RABGAP1: variants seen among roughly 807,000 people sequenced by gnomAD.
The protein encoded by RABGAP1 is RAB GTPase activating protein 1.
Under a neutral mutation model 137.6 loss-of-function variants are expected in RABGAP1, and 23 were observed. The ratio of observed to expected loss-of-function variants is 0.17; its 90% CI spans 0.12 to 0.24. The LOEUF is 0.24. RABGAP1 is among the 10% of genes least tolerant of loss of function. The probability of loss-of-function intolerance (pLI) is 1.00; values close to 1 mark genes in which losing one functional copy is unlikely to be tolerated. For missense variants in RABGAP1, 906 were observed against 1,275.8 expected (o/e 0.71, Z 4.42); for synonymous variants, 451 against 450.7 (o/e 1.00, Z -0.01).
chr9:122,931,824 T>G, the RABGAP1 span, among the ~76,000 whole-genome samples: 1 of 152,230 alleles, frequency 6.6e-6, no homozygotes, highest in Non-Finnish European at 1.5e-5. Flanking sequence ...TAGCTGGGCC[T>G]AGACGGTCCG....
At chr9:122,949,916 GAGCAAGC>G (rs1834141857) in intron 1 of RABGAP1, among the ~76,000 whole-genome samples, 1 of 152,130 alleles carries the variant, frequency 6.6e-6, no homozygotes, top group Non-Finnish European at 1.5e-5. Context: ...ATTCCCAGCT[GAGCAAGC>G]AGCATATGAA....
chr9:123,058,072 G>GAGGGGGAA (rs1169359575), intron 13 of RABGAP1, among the ~76,000 whole-genome samples: 1 of 126,054 alleles, frequency 7.9e-6, no homozygotes, highest in Non-Finnish European at 1.8e-5. Context: ...GAGAGGGGGA[G>GAGGGGGAA]GAGGGAGAGG....
chr9:122,986,139 A>G, intron 3 of RABGAP1, 76 bp from the exon 4 acceptor site: 1 of 1,366,194 alleles, frequency 7.3e-7, no homozygotes, highest in Non-Finnish European at 1.0e-6. Flanking sequence ...TGTTACTTGC[A>G]GATTTTTACT....
At chr9:123,047,198 C>T (rs1446220815) in intron 13 of RABGAP1, among the ~76,000 whole-genome samples, 2 of 152,170 alleles carry the variant, frequency 1.3e-5, no homozygotes, top group African/African-American at 4.8e-5. Flanking sequence ...GATTTTCTTT[C>T]AGTACTAATC....
At chr9:123,077,927 C>T (rs1374594987) in intron 19 of RABGAP1, among the ~76,000 whole-genome samples, 1 of 152,006 alleles carries the variant, frequency 6.6e-6, no homozygotes, top group Non-Finnish European at 1.5e-5. Flanking sequence ...AAATATACCC[C>T]AAGAAATGTT....
the RABGAP1 span, among the ~76,000 whole-genome samples, chr9:122,934,427 C>T: frequency 6.6e-6 from 1 of 152,132 alleles, no homozygotes; most frequent in Non-Finnish European, 1.5e-5. Flanking sequence ...TCAAGTGATT[C>T]TCTTGTAGAC....
chr9:122,986,848 C>T (rs761330615), intron 4 of RABGAP1, among the ~76,000 whole-genome samples: 1 of 152,084 alleles, frequency 6.6e-6, no homozygotes, highest in African/African-American at 2.4e-5. Flanking sequence ...AGAAAACTGG[C>T]TAGGTGCAGT....
intron 13 of RABGAP1, chr9:123,035,444 C>T (rs1588307992): frequency 6.2e-7 from 1 of 1,614,164 alleles, no homozygotes; most frequent in Non-Finnish European, 8.5e-7. Context: ...ACCTGGCTTG[C>T]TATTAGTAAC....
rs572070235 is a variant in RABGAP1, at chr9:122,984,727, T to C, written c.385+8T>C. 6.2e-7 allele frequency: 1 copy of C among 1,608,274 alleles called. No individual in the cohort carries two copies. The highest frequency in any genetic ancestry group is 2.2e-5 in the East Asian group (1 of 44,834). ...TGAAACCTGGACAAGGAGGTTAGGA[T>C]TGCTGCATTGCTTGCGTAACTGAAG... On this transcript the variant is annotated splice_region_variant and intron_variant, in intron 3 of 25. Coordinates refer to ENST00000373647, the MANE Select transcript of RABGAP1 (RefSeq NM_012197.4).
At chr9:122,942,554 C>T (rs113657594) in intron 1 of RABGAP1, among the ~76,000 whole-genome samples, 5 of 150,172 alleles carry the variant, frequency 3.3e-5, no homozygotes, top group African/African-American at 9.8e-5. Context: ...CCTGTAGTCC[C>T]AGCTAATCGG....
intron 1 of RABGAP1, among the ~76,000 whole-genome samples, chr9:122,942,411 G>A (rs1401943409): frequency 1.3e-5 from 2 of 152,116 alleles, no homozygotes; most frequent in African/African-American, 2.4e-5. Flanking sequence ...GTGCGTTCAC[G>A]CCTGTGATCC....
intron 12 of RABGAP1, among the ~76,000 whole-genome samples, chr9:123,016,776 T>G (rs1290791262): frequency 6.6e-6 from 1 of 152,216 alleles, no homozygotes; most frequent in Non-Finnish European, 1.5e-5. Flanking sequence ...TCAGACATTT[T>G]AACTGTTGAA....
At chr9:122,973,419 G>A (rs1341425098) in intron 2 of RABGAP1, among the ~76,000 whole-genome samples, 1 of 151,940 alleles carries the variant, frequency 6.6e-6, no homozygotes, top group South Asian at 2.1e-4. Flanking sequence ...TGTATTTTTA[G>A]TAGAGATGGG....
intron 2 of RABGAP1, among the ~76,000 whole-genome samples, chr9:122,970,303 G>A (rs1588188978): frequency 6.6e-6 from 1 of 152,124 alleles, no homozygotes; most frequent in African/African-American, 2.4e-5. Flanking sequence ...GTGTGATAGT[G>A]TGTACCTGTA....
chr9:122,939,010 A>G (rs987228023), upstream of RABGAP1: 1 of 152,224 alleles, frequency 6.6e-6, no homozygotes, highest in Non-Finnish European at 1.5e-5. Context: ...ATGGTCCTGA[A>G]TTGGATAATT....
At chr9:123,004,248 G>A (rs1189209501) in intron 10 of RABGAP1, among the ~76,000 whole-genome samples, 1 of 152,160 alleles carries the variant, frequency 6.6e-6, no homozygotes, top group Admixed American at 6.5e-5. Context: ...AGTAATCTTT[G>A]GGGGTGACGC....
chr9:123,017,331 G>A (rs2031307218), intron 12 of RABGAP1, among the ~76,000 whole-genome samples: 1 of 152,078 alleles, frequency 6.6e-6, no homozygotes, highest in African/African-American at 2.4e-5. Flanking sequence ...ATCAAGCTTT[G>A]TTATTCATTT....
At chr9:123,080,974 T>G (rs1421938642) in intron 19 of RABGAP1, among the ~76,000 whole-genome samples, 4 of 152,130 alleles carry the variant, frequency 2.6e-5, no homozygotes, top group Admixed American at 6.5e-5. Context: ...TACCTCTGCC[T>G]CCTCCACTTC....
chr9:123,015,655 GTT>G lies in RABGAP1; in HGVS notation c.1643+26_1643+27del. On this transcript the variant is annotated intron_variant, in intron 12 of 25. Transcript: ENST00000373647. ...CAAAATGGTAAGTTATGATAGAATAGTTTTTTTTATCTGCAATTTTCATTTTA... is the reference window on the plus strand; with the variant it reads ...CAAAATGGTAAGTTATGATAGAATAGTTTTTTATCTGCAATTTTCATTTTA... The G allele has an allele frequency of 6.5e-7, 1 of 1,541,640 alleles. No homozygotes were observed. The highest frequency in any genetic ancestry group is 8.9e-7 in the Non-Finnish European group (1 of 1,120,626).
Sources: allele counts gnomAD v4.1 joint callset (sites outside exome capture counted in the v4.1 genomes callset), GRCh38; gene constraint gnomAD v4.1.1; transcripts MANE v1.5; gene names NCBI Gene and HGNC (gene_info 2026-07-23, HGNC 2026-07-21).